The following EXD3 variants were observed in gnomAD, a reference collection of about 807,000 sequenced individuals.
The protein encoded by EXD3 is exonuclease mut-7 homolog.
A neutral mutation model predicts 98.0 loss-of-function variants in EXD3; 92 were observed. That is an observed-to-expected ratio of 0.94 (90% confidence interval 0.79 to 1.12). The LOEUF (loss-of-function observed/expected upper bound fraction) is 1.12, where lower values mean the gene tolerates loss of function less well. Ranked by LOEUF, EXD3 falls within the 50% of genes most tolerant of loss-of-function variation. The probability of loss-of-function intolerance (pLI) is 0.00; values close to 1 mark genes in which losing one functional copy is unlikely to be tolerated. For missense variants in EXD3, 1,222 were observed against 1,191.6 expected, an observed-to-expected ratio of 1.03 and a Z score of -0.38; for synonymous variants, 569 against 526.0, an observed-to-expected ratio of 1.08 and a Z score of -1.12.
Position 137,371,151 on chromosome 9 carries a change from G to T in EXD3, c.462+1754C>A, listed in dbSNP as rs982989066. Among the ~76,000 whole-genome samples, 2 of 152,212 alleles carry T rather than the reference G, an allele frequency of 1.3e-5. No individual in the cohort carries two copies. Among genetic ancestry groups the T allele is most frequent in the Admixed American group, 1.3e-4 (2 of 15,288 alleles). The stretch of plus-strand genomic sequence containing the variant: ...AGCGCGAGGGAGGCGCATTCAGCCG[G>T]CCCCAGACAGTCTTTGAAAGGCTCT... On this transcript the variant is annotated intron_variant, in intron 5 of 21. Transcript: ENST00000340951. The surrounding 1 kb of genome is among the most constrained non-coding windows in gnomAD (Gnocchi z 8.0).
At chr9:137,421,317 G>C (rs1838501645) in intron 1 of EXD3, among the ~76,000 whole-genome samples, 3 of 152,176 alleles carry the variant, frequency 2.0e-5, no homozygotes, top group Admixed American at 2.0e-4. Context: ...AATCACCACT[G>C]TTGTACTTTA....
chr9:137,378,812 G>A (rs923470415), intron 3 of EXD3, among the ~76,000 whole-genome samples: 9 of 152,256 alleles, frequency 5.9e-5, no homozygotes, highest in Non-Finnish European at 7.3e-5. Context: ...GGCAGAAAGC[G>A]GGTGAGCAGT....
At chr9:137,399,135 G>A (rs1043083568) in intron 1 of EXD3, among the ~76,000 whole-genome samples, 4 of 152,254 alleles carry the variant, frequency 2.6e-5, no homozygotes, top group African/African-American at 9.6e-5. Context: ...GTGGCTGTGG[G>A]GCAGGGGTCA....
Position 137,403,454 on chromosome 9 carries a change from C to G in EXD3, c.-47-8050G>C, listed in dbSNP as rs534050763. On this transcript the variant is annotated intron_variant, in intron 1 of 21. Transcript: ENST00000340951. This position sits in a 1 kb window ranked among gnomAD's most constrained non-coding sequence, Gnocchi z 6.1. ...CAGCAGCAGCCAGCACACCCTGGCC[C>G]AGGGTCTCCGAGGGTCGGGGGCCGC... Among the ~76,000 whole-genome samples, 6 of 152,082 alleles carry G rather than the reference C, an allele frequency of 3.9e-5. No homozygotes were observed. In the East Asian group the frequency reaches 9.7e-4, roughly 25 times the overall value.
intron 19 of EXD3, among the ~76,000 whole-genome samples, chr9:137,321,484 A>G (rs1564469199): frequency 6.6e-6 from 1 of 152,210 alleles, no homozygotes; most frequent in Non-Finnish European, 1.5e-5. Flanking sequence ...GGAGTTCAAG[A>G]CCAGCCTGAC....
At chr9:137,341,299 T>A (rs1432447524) in intron 17 of EXD3, among the ~76,000 whole-genome samples, 1 of 152,190 alleles carries the variant, frequency 6.6e-6, no homozygotes, top group African/African-American at 2.4e-5. Context: ...CCAGACAGAA[T>A]GAGACCCTGT....
chr9:137,327,558 G>A (rs540709008), intron 17 of EXD3, among the ~76,000 whole-genome samples: 5 of 152,156 alleles, frequency 3.3e-5, no homozygotes, highest in East Asian at 1.9e-4. Context: ...TCAATTTCGT[G>A]TTATGTATGT....
At chr9:137,364,434 C>T (rs1447943183) in intron 7 of EXD3, among the ~76,000 whole-genome samples, 3 of 151,912 alleles carry the variant, frequency 2.0e-5, no homozygotes, top group African/African-American at 7.3e-5. Context: ...GCAGCCTGGC[C>T]AACATGGTGG....
At chr9:137,411,147 C>T (rs534614023) in intron 1 of EXD3, among the ~76,000 whole-genome samples, 17 of 152,314 alleles carry the variant, frequency 1.1e-4, no homozygotes, top group African/African-American at 4.1e-4. Flanking sequence ...GAGGCCGGCC[C>T]CCCGGGTGGG....
At position 137,332,899 on chromosome 9, in the gene EXD3, T is replaced by C. The variant is rs186606914; in HGVS notation, c.1999-8756A>G. Among the ~76,000 whole-genome samples the C allele has an allele frequency of 3.2e-4, 49 of 152,174 alleles. 1 individual carries two copies. The highest frequency in any genetic ancestry group is 5.0e-4 in the Non-Finnish European group (34 of 67,986). ...CACATTACCCAACTTCAAATTATAC[T>C]TGTGAGGGTTTATATTGAGTGTCAA... On this transcript the variant is annotated intron_variant, in intron 17 of 21. Transcript: ENST00000340951.
chr9:137,368,124 C>A, intron 5 of EXD3, 135 bp from the exon 6 acceptor site: 1 of 717,320 alleles, frequency 1.4e-6, no homozygotes, highest in South Asian at 1.8e-5. Flanking sequence ...CGTGTTCAGC[C>A]ACGTGGCCCT....
intron 3 of EXD3, among the ~76,000 whole-genome samples, chr9:137,378,963 T>G (rs1252154438): frequency 1.7e-4 from 17 of 99,542 alleles, no homozygotes; most frequent in East Asian, 6.5e-4. Context: ...ACGGTGACCA[T>G]TGCCTGGGGC....
At chr9:137,372,773 G>A (rs2131681363) in intron 5 of EXD3, 132 bp downstream of exon 5, 1 of 949,414 alleles carries the variant, frequency 1.1e-6, no homozygotes, top group Non-Finnish European at 1.5e-6. Context: ...CCACGGCCGG[G>A]TCCTTGATAC....
At chr9:137,328,691 A>G (rs1405491858) in intron 17 of EXD3, among the ~76,000 whole-genome samples, 1 of 55,598 alleles carries the variant, frequency 1.8e-5, no homozygotes, top group Non-Finnish European at 3.3e-5. Flanking sequence ...GCTACACGGG[A>G]CTACACAGGG....
Position 137,398,373 on chromosome 9 carries a change from C to T in EXD3, c.-47-2969G>A, listed in dbSNP as rs889571555. Among the ~76,000 whole-genome samples the T allele has an allele frequency of 3.9e-5, 6 of 152,188 alleles. No individual in the cohort carries two copies. In the South Asian group the frequency reaches 8.3e-4, roughly 21 times the overall value. On this transcript the variant is annotated intron_variant, in intron 1 of 21. Transcript: ENST00000340951. ...CCCTGCTCACCCTGGACCCCCTTCC[C>T]TCTTGTCCCCTGTGCTCCCCGAAGT... is the stretch of plus-strand genomic sequence containing the variant.
At chr9:137,318,401 G>A (rs1351852187) in intron 19 of EXD3, among the ~76,000 whole-genome samples, 1 of 152,130 alleles carries the variant, frequency 6.6e-6, no homozygotes, top group Non-Finnish European at 1.5e-5. Flanking sequence ...CTCCTGGGAT[G>A]CCCACTTCCA....
At chr9:137,390,568 A>T (rs1836852606) in intron 2 of EXD3, among the ~76,000 whole-genome samples, 1 of 152,250 alleles carries the variant, frequency 6.6e-6, no homozygotes, top group Admixed American at 6.5e-5. Flanking sequence ...TATTGGCGTT[A>T]GAATCATCAT....
At chr9:137,352,982 T>A in intron 10 of EXD3, 196 bp from the exon 11 acceptor site, 1 of 1,399,448 alleles carries the variant, frequency 7.1e-7, no homozygotes, top group Non-Finnish European at 9.2e-7. Context: ...GCGGCTGAGA[T>A]AGAGGTGCTG....
intron 1 of EXD3, among the ~76,000 whole-genome samples, chr9:137,412,647 G>A (rs1393163304): frequency 2.0e-5 from 3 of 152,134 alleles, no homozygotes; most frequent in African/African-American, 7.2e-5. Flanking sequence ...AGCTGATGCT[G>A]GCAAGATGGC....
Sources: gnomAD v4.1 joint callset for allele counts (sites outside exome capture counted in the v4.1 genomes callset) on GRCh38, gnomAD v4.1.1 for gene constraint, Gnocchi (gnomAD v3.1) non-coding constraint, MANE v1.5 for transcripts, NCBI Gene and HGNC (gene_info 2026-07-23, HGNC 2026-07-21) for gene names.